MAP4: variants seen among roughly 807,000 people sequenced by gnomAD.
The protein encoded by MAP4 is microtubule-associated protein 4.
MAP4 carries 76 observed loss-of-function variants against 170.2 expected under a neutral mutation model. The observed-to-expected ratio is 0.45, with a 90% confidence interval of 0.37 to 0.54. The LOEUF is 0.54. Ranked by LOEUF, MAP4 falls within the 20% of genes least tolerant of loss-of-function variation. The pLI is 0.00. For missense variants in MAP4, 2,506 were observed against 2,748.0 expected (o/e 0.91, Z 1.97); for synonymous variants, 909 against 994.5 (o/e 0.91, Z 1.62).
intron 17 of MAP4, among the ~76,000 whole-genome samples, chr3:47,858,169 A>G (rs2059710938): frequency 6.6e-6 from 1 of 151,078 alleles, no homozygotes; most frequent in African/African-American, 2.4e-5. Context: ...ATGCGCCACC[A>G]CGCCCAGCTA....
chr3:47,877,639 C>T, intron 10 of MAP4, 116 bp from the exon 11 acceptor site: 1 of 653,082 alleles, frequency 1.5e-6, no homozygotes, highest in South Asian at 2.0e-5. Context: ...TGAAAAAAGT[C>T]CACAGGGTTG....
At chr3:48,026,267 C>T (rs543362607) in intron 1 of MAP4, among the ~76,000 whole-genome samples, 2 of 152,302 alleles carry the variant, frequency 1.3e-5, no homozygotes, top group East Asian at 1.9e-4. Context: ...GTCAGGCTCA[C>T]AGAGGCTTAA....
At chr3:48,061,924 G>A (rs1468946901) in intron 1 of MAP4, among the ~76,000 whole-genome samples, 2 of 150,056 alleles carry the variant, frequency 1.3e-5, no homozygotes, top group African/African-American at 4.9e-5. Flanking sequence ...GGGAGGTGGG[G>A]GGCACCTCTG....
intron 1 of MAP4, among the ~76,000 whole-genome samples, chr3:48,040,504 T>C (rs913142460): frequency 3.9e-5 from 6 of 152,084 alleles, no homozygotes; most frequent in Non-Finnish European, 8.8e-5. Context: ...CTCCTGACCT[T>C]GTGATCCGCC....
intron 1 of MAP4, among the ~76,000 whole-genome samples, chr3:48,072,458 G>A (rs574225591): frequency 6.6e-6 from 1 of 152,136 alleles, no homozygotes; most frequent in East Asian, 1.9e-4. Context: ...CCAAGAAGGC[G>A]CCACTGCACT....
chr3:47,971,262 T>C (rs892893129), intron 3 of MAP4, among the ~76,000 whole-genome samples: 35 of 152,360 alleles, frequency 2.3e-4, no homozygotes, highest in Admixed American at 1.4e-3. Flanking sequence ...GTGCAGCTTA[T>C]GTCTGGGCTC....
At chr3:47,930,540 C>T (rs962311730) in intron 3 of MAP4, among the ~76,000 whole-genome samples, 5 of 151,720 alleles carry the variant, frequency 3.3e-5, no homozygotes, top group African/African-American at 7.3e-5. Context: ...TCATAGACTT[C>T]GAGAAATATC....
At chr3:47,973,943 C>A in intron 3 of MAP4, 1 of 985,344 alleles carries the variant, frequency 1.0e-6, no homozygotes, top group Non-Finnish European at 1.2e-6. Context: ...AACATATCAC[C>A]CTCAAGTGTC....
chr3:47,919,133 A>T (rs1007081005), intron 5 of MAP4, among the ~76,000 whole-genome samples: 1 of 151,604 alleles, frequency 6.6e-6, no homozygotes, highest in African/African-American at 2.4e-5. Flanking sequence ...GGGTTTCACC[A>T]TGTTAGCCCG....
rs548175892 is a variant in MAP4, at chr3:47,879,050, C to G, written c.5435-1527G>C. The stretch of plus-strand genomic sequence containing the variant: ...GTAATTTATCCTAGAAGTGTATTTA[C>G]ACACCAGCCAAATAGTAAATGTGCA... On this transcript the variant is annotated intron_variant, in intron 10 of 20. Coordinates refer to ENST00000683076, the MANE Select transcript of MAP4 (RefSeq NM_001385682.1). Among the ~76,000 whole-genome samples the G allele has an allele frequency of 1.3e-3, 202 of 152,262 alleles. 1 individual carries two copies. Among genetic ancestry groups the G allele is most frequent in the African/African-American group, 4.6e-3 (190 of 41,538 alleles).
chr3:48,013,564 T>C (rs2100106398), intron 1 of MAP4: 1 of 152,148 alleles, frequency 6.6e-6, no homozygotes, highest in Non-Finnish European at 1.5e-5. Flanking sequence ...GGTTGATTAT[T>C]CTATCAGCTA....
chr3:48,077,948 T>C (rs2100144769), intron 1 of MAP4, among the ~76,000 whole-genome samples: 1 of 152,196 alleles, frequency 6.6e-6, no homozygotes, highest in African/African-American at 2.4e-5. Flanking sequence ...CCATTTATTG[T>C]ATGATTCCAT....
chr3:47,953,209 AC>A (rs1459544590), intron 3 of MAP4, among the ~76,000 whole-genome samples: 1 of 152,008 alleles, frequency 6.6e-6, no homozygotes, highest in African/African-American at 2.4e-5. Context: ...AATAAACAGG[AC>A]TTTAAAAACT....
intron 3 of MAP4, among the ~76,000 whole-genome samples, chr3:47,977,458 T>C (rs1202108912): frequency 6.6e-6 from 1 of 152,196 alleles, no homozygotes; most frequent in Non-Finnish European, 1.5e-5. Flanking sequence ...AACTCCTAAT[T>C]TGTTGTTCAC....
chr3:47,955,319 C>T (rs2100067030), intron 3 of MAP4, among the ~76,000 whole-genome samples: 1 of 152,040 alleles, frequency 6.6e-6, no homozygotes. Context: ...ATTGCTTTTA[C>T]CTGCCTTTTA....
intron 10 of MAP4, among the ~76,000 whole-genome samples, chr3:47,884,152 G>T (rs1053184175): frequency 5.3e-5 from 8 of 152,154 alleles, no homozygotes; most frequent in African/African-American, 1.9e-4. Flanking sequence ...TGTCCCATGG[G>T]TCTGAAGATA....
intron 2 of MAP4, among the ~76,000 whole-genome samples, chr3:47,997,256 T>C (rs1011004956): frequency 8.1e-6 from 1 of 123,186 alleles, no homozygotes; most frequent in Non-Finnish European, 1.6e-5. Context: ...AAAGCACAGA[T>C]CAAGAAGCTC....
intron 2 of MAP4, among the ~76,000 whole-genome samples, chr3:47,992,318 C>T: frequency 6.6e-6 from 1 of 152,178 alleles, no homozygotes; most frequent in East Asian, 1.9e-4. Context: ...TATTTGATGT[C>T]TCCAAACAGC....
intron 1 of MAP4, among the ~76,000 whole-genome samples, chr3:47,999,845 TAA>T (rs10707358): frequency 0.61 from 89,782 of 147,936 alleles, 28,176 homozygotes; most frequent in East Asian, 0.72. Flanking sequence ...AAATAAAGTT[TAA>T]AAAAAAAAAA....
Sources: allele counts gnomAD v4.1 joint callset (sites outside exome capture counted in the v4.1 genomes callset), GRCh38; gene constraint gnomAD v4.1.1; transcripts MANE v1.5; gene names NCBI Gene and HGNC (gene_info 2026-07-23, HGNC 2026-07-21).